The following RIOX2 variants were observed in gnomAD, a reference collection of about 807,000 sequenced individuals.
The protein encoded by RIOX2 is 60S ribosomal protein L27a histidine hydroxylase.
In RIOX2, 43 loss-of-function variants were observed where a neutral mutation model predicts 51.2. That is an observed-to-expected ratio of 0.84 (90% CI 0.66 to 1.08). The LOEUF is 1.08. Among genes scored for constraint, RIOX2 ranks in the 50% least tolerant of loss-of-function variants. The pLI is 0.00. For synonymous variants in RIOX2, 226 were observed against 218.5 expected, an observed-to-expected ratio of 1.03 and a Z score of -0.30; for missense variants, 566 against 561.7, an observed-to-expected ratio of 1.01 and a Z score of -0.08.
intron 2 of RIOX2, among the ~76,000 whole-genome samples, chr3:97,962,954 T>A (rs1219485795): frequency 6.6e-6 from 1 of 152,152 alleles, no homozygotes; most frequent in Non-Finnish European, 1.5e-5. Flanking sequence ...TTTAAACATA[T>A]GAATGTACAG....
intron 8 of RIOX2, 107 bp from the exon 9 acceptor site, chr3:97,945,994 C>CT: frequency 2.7e-6 from 2 of 731,396 alleles, no homozygotes; most frequent in Non-Finnish European, 4.6e-6. Flanking sequence ...TTTCAAAAGC[C>CT]TTGGTGCTCA....
At chr3:97,952,298 G>A (rs1705283170) in intron 5 of RIOX2, 1 of 1,159,360 alleles carries the variant, frequency 8.6e-7, no homozygotes, top group Non-Finnish European at 1.1e-6. Context: ...CATTGATCAT[G>A]GTACCCACCC....
In RIOX2 at chr3:97,970,120, T is replaced by G. The variant is rs115316205; in HGVS notation, c.-40+2261A>C. Among the ~76,000 whole-genome samples the G allele has an allele frequency of 2.2e-3, 334 of 152,286 alleles. 4 individuals carry two copies. In the South Asian group the frequency reaches 0.032, roughly 14 times the overall value. On this transcript the variant is annotated intron_variant, in intron 1 of 9. Coordinates refer to ENST00000394198, the MANE Select transcript of RIOX2 (RefSeq NM_153182.4). ...GAAAAGCTTTTCTTTAAGCATAATA[T>G]ATGAATACAGTATAAGCACATTCAC... is the stretch of plus-strand genomic sequence containing the variant.
At chr3:97,949,790 C>A (rs777663557) in intron 7 of RIOX2, 54 bp downstream of exon 7, 1 of 1,541,508 alleles carries the variant, frequency 6.5e-7, no homozygotes, top group Non-Finnish European at 8.8e-7. Context: ...CCAGAAAAAC[C>A]GTAAACATCC....
Position 97,947,434 on chromosome 3 carries a change from C to T in RIOX2, c.1076G>A (p.Arg359Lys). ...ELSTPGGKLP[R>K]LDSVVRLQFK... is the part of the protein sequence containing the mutation. ...CTGCAGTCTCACTACACTGTCCAGC[C>T]TCGGTAACTTTCCACCTAGAAAACC... Residue 359 changes from arginine to lysine, a missense_variant, in exon 8 of 10, where the codon AGG becomes AAG. Physicochemically the swap from Arg to Lys is conservative, Grantham distance 26. Transcript: ENST00000394198. The T allele has an allele frequency of 6.2e-7, 1 of 1,613,368 alleles. No individual in the cohort carries two copies. The highest frequency in any genetic ancestry group is 1.1e-5 in the South Asian group (1 of 91,050).
chr3:97,951,000 C>T (rs1575997813), intron 5 of RIOX2, 112 bp from the exon 6 acceptor site: 5 of 723,358 alleles, frequency 6.9e-6, no homozygotes, highest in South Asian at 1.7e-5. Context: ...ATTATGGCTT[C>T]CCTGTCCAGG....
At chr3:97,951,555 C>A (rs1705250862) in intron 5 of RIOX2, among the ~76,000 whole-genome samples, 1 of 152,122 alleles carries the variant, frequency 6.6e-6, no homozygotes, top group Non-Finnish European at 1.5e-5. Flanking sequence ...TGGCTCATTC[C>A]TAAGTGCGTG....
intron 8 of RIOX2, among the ~76,000 whole-genome samples, chr3:97,946,588 A>ATATATATATATATATATATATC (rs1201691947): frequency 5.7e-5 from 7 of 121,804 alleles, no homozygotes; most frequent in African/African-American, 2.3e-4. Flanking sequence ...TTGAGGATGT[A>ATATATATATATATATATATATC]TATATATATA....
At chr3:97,954,951 A>G (rs769830153) in intron 4 of RIOX2, among the ~76,000 whole-genome samples, 66 of 152,144 alleles carry the variant, frequency 4.3e-4, no homozygotes, top group Middle Eastern at 3.2e-3. Context: ...CAGTTTCTTT[A>G]TCTGTAAAAT....
At chr3:97,951,060 C>A in intron 5 of RIOX2, 172 bp from the exon 6 acceptor site, 1 of 567,480 alleles carries the variant, frequency 1.8e-6, no homozygotes. Context: ...AATCTAAGAC[C>A]TTCATCAACC....
chr3:97,945,472 C>A, intron 9 of RIOX2, 130 bp from the exon 10 acceptor site: 2 of 786,592 alleles, frequency 2.5e-6, no homozygotes, highest in Admixed American at 3.2e-5. Flanking sequence ...AGACACACTA[C>A]AATTAGATAA....
intron 8 of RIOX2, among the ~76,000 whole-genome samples, chr3:97,946,680 G>C (rs1195611815): frequency 6.7e-6 from 1 of 150,162 alleles, no homozygotes; most frequent in Admixed American, 6.7e-5. Context: ...ATCGAGACAT[G>C]TTGAGTGCCC....
chr3:97,965,366 G>T (rs986231947), intron 2 of RIOX2, among the ~76,000 whole-genome samples: 1 of 152,162 alleles, frequency 6.6e-6, no homozygotes, highest in East Asian at 1.9e-4. Context: ...ACAAAAATTA[G>T]CCAGGCATGG....
Position 97,942,581 on chromosome 3 carries a change from A to G in RIOX2, c.*2603T>C. The G allele has an allele frequency of 1.2e-6, 1 of 821,084 alleles. No homozygotes were observed. Among genetic ancestry groups the G allele is most frequent in the South Asian group, 2.4e-5 (1 of 41,042 alleles). 50.9% of individuals were successfully genotyped at this position (821,084 alleles called of 1,614,324 possible). A position where few individuals can be genotyped will look rare whatever the true frequency, so the allele number is the denominator to read the frequency against. ...AAAATTATGCTTGAAGAAAATTAAG[A>G]TAGGCAGTTTTACAAACAAAACAAT... On this transcript the variant is annotated 3_prime_UTR_variant, in exon 10 of 10. Coordinates refer to ENST00000394198, the MANE Select transcript of RIOX2 (RefSeq NM_153182.4).
intron 4 of RIOX2, among the ~76,000 whole-genome samples, chr3:97,958,140 G>A (rs1050515106): frequency 1.3e-5 from 2 of 152,156 alleles, no homozygotes; most frequent in African/African-American, 4.8e-5. Context: ...CTTAGTTACT[G>A]GGAGGTAGGT....
intron 8 of RIOX2, among the ~76,000 whole-genome samples, chr3:97,946,541 A>T (rs2040362540): frequency 2.2e-5 from 3 of 136,378 alleles, no homozygotes; most frequent in Admixed American, 7.4e-5. Context: ...CAGAATCACT[A>T]TTTTTTTTTT....
At chr3:97,954,530 A>T in intron 4 of RIOX2, 35 bp from the exon 5 acceptor site, 1 of 1,532,292 alleles carries the variant, frequency 6.5e-7, no homozygotes, top group Non-Finnish European at 9.0e-7. Context: ...AGAGAAGTTA[A>T]TAAGTATTCC....
chr3:97,967,457 A>G lies in RIOX2; in HGVS notation c.137T>C (p.Ile46Thr). Residue 46 changes from isoleucine (I) to threonine (T), a missense_variant, in exon 2 of 10, where the codon ATC becomes ACC. Physicochemically the swap from Ile to Thr is moderately conservative, Grantham distance 89. Coordinates refer to ENST00000394198, the MANE Select transcript of RIOX2 (RefSeq NM_153182.4). ...AAAAGTCTCTGTCTTGATGGGCGAG[A>G]TTAAACTTTCAAAGAGACTACTGGG... ...DSPSSLFESL[I>T]SPIKTETFFK... 1 of 1,614,158 alleles carries G rather than the reference A, an allele frequency of 6.2e-7. No individual in the cohort carries two copies. The highest frequency in any genetic ancestry group is 2.2e-5 in the East Asian group (1 of 44,874).
At position 97,949,946 on chromosome 3, in the gene RIOX2, C is replaced by T; in HGVS notation, c.958G>A (p.Glu320Lys). 1 of 1,613,946 alleles carries T rather than the reference C, an allele frequency of 6.2e-7. No homozygotes were observed. Among genetic ancestry groups the T allele is most frequent in the South Asian group, 1.1e-5 (1 of 91,062 alleles). Residue 320 changes from glutamate (E) to lysine (K), a missense_variant, in exon 7 of 10, where the codon GAG (glutamate) becomes AAG (lysine). Glu to Lys is a moderately conservative substitution (Grantham distance 56, BLOSUM62 1). Coordinates refer to ENST00000394198, the MANE Select transcript of RIOX2 (RefSeq NM_153182.4). ...GAGGAAAGCAGTTCTTTGGTGCCCT[C>T]CAGCCGGTCTGCAAGTGTCCTCAGG... ...GFLRTLADRL[E>K]GTKELLSSDM...
Sources: gnomAD v4.1 joint callset for allele counts (sites outside exome capture counted in the v4.1 genomes callset) on GRCh38, gnomAD v4.1.1 for gene constraint, MANE v1.5 for transcripts, NCBI Gene and HGNC (gene_info 2026-07-23, HGNC 2026-07-21) for gene names.